Variants in NKAIN3 observed in about 807,000 individuals in gnomAD.
NKAIN3 encodes sodium/potassium-transporting ATPase subunit beta-1-interacting protein 3.
Under a neutral mutation model 30.2 loss-of-function variants are expected in NKAIN3, and 25 were observed. That is an observed-to-expected ratio of 0.83 (90% CI 0.60 to 1.16). NKAIN3 has a LOEUF of 1.16. Ranked by LOEUF, NKAIN3 falls within the 50% of genes most tolerant of loss-of-function variation. The pLI is 0.00. For synonymous variants in NKAIN3, 91 were observed against 89.6 expected, an observed-to-expected ratio of 1.02 and a Z score of -0.09; for missense variants, 225 against 254.1, an observed-to-expected ratio of 0.89 and a Z score of 0.78.
intron 1 of NKAIN3, among the ~76,000 whole-genome samples, chr8:62,536,910 T>C (rs1241722504): frequency 6.6e-6 from 1 of 152,084 alleles, no homozygotes; most frequent in Non-Finnish European, 1.5e-5. Flanking sequence ...ATCTGTGGAC[T>C]TGGCTCCATA....
intron 5 of NKAIN3, among the ~76,000 whole-genome samples, chr8:62,924,161 G>A (rs975544814): frequency 6.6e-6 from 1 of 152,026 alleles, no homozygotes; most frequent in Non-Finnish European, 1.5e-5. Flanking sequence ...AATCCACCAA[G>A]AGCTTTCATA....
Position 62,309,396 on chromosome 8 carries a change from A to G in NKAIN3, c.54+60269A>G, listed in dbSNP as rs140503537. ...AATACTTCCTATTTTGATAATGCAC[A>G]TACAAGTCACATTCAGAAAGACTAG... On this transcript the variant is annotated intron_variant, in intron 1 of 6. Coordinates refer to ENST00000623646, the MANE Select transcript of NKAIN3 (RefSeq NM_001304533.3). 1.8e-3 allele frequency among the ~76,000 whole-genome samples: 268 copies of G among 150,844 alleles called. 5 individuals are homozygous for G. Among genetic ancestry groups the G allele is most frequent in the Admixed American group, 3.1e-3 (47 of 15,240 alleles).
intron 1 of NKAIN3, among the ~76,000 whole-genome samples, chr8:62,490,296 C>G (rs1434269774): frequency 6.6e-6 from 1 of 152,134 alleles, no homozygotes; most frequent in African/African-American, 2.4e-5. Context: ...GTGCCCATGC[C>G]CATGGGTCCT....
At chr8:62,680,640 A>G (rs1813618172) in intron 3 of NKAIN3, among the ~76,000 whole-genome samples, 1 of 152,164 alleles carries the variant, frequency 6.6e-6, no homozygotes, top group Non-Finnish European at 1.5e-5. Context: ...CCCTTACATT[A>G]TATGATAGGA....
chr8:62,867,200 T>C (rs1422730433), intron 4 of NKAIN3, among the ~76,000 whole-genome samples: 2 of 151,896 alleles, frequency 1.3e-5, no homozygotes, highest in Non-Finnish European at 2.9e-5. Context: ...AAAAACATGA[T>C]CTTTAGAGTC....
At chr8:62,391,927 G>T (rs13269282) in intron 1 of NKAIN3, among the ~76,000 whole-genome samples, 63,705 of 151,702 alleles carry the variant, frequency 0.42, 15,631 homozygotes, top group Non-Finnish European at 0.54. Context: ...TTGGTACCTG[G>T]CTCATTCTGT....
At chr8:62,933,300 C>A (rs768101112) in intron 5 of NKAIN3, among the ~76,000 whole-genome samples, 2 of 151,936 alleles carry the variant, frequency 1.3e-5, no homozygotes, top group Admixed American at 6.6e-5. Context: ...TATTTCAAAA[C>A]GGAAATGTCC....
chr8:62,400,166 T>G (rs1453319434), intron 1 of NKAIN3, among the ~76,000 whole-genome samples: 4 of 145,876 alleles, frequency 2.7e-5, no homozygotes, highest in East Asian at 2.0e-4. Flanking sequence ...ATATTTTCTT[T>G]TTTTTTTTTT....
intron 3 of NKAIN3, among the ~76,000 whole-genome samples, chr8:62,660,228 G>C (rs1812902404): frequency 6.6e-6 from 1 of 152,098 alleles, no homozygotes; most frequent in African/African-American, 2.4e-5. Flanking sequence ...GAGTGACCTT[G>C]GCAAACTACT....
intron 4 of NKAIN3, among the ~76,000 whole-genome samples, chr8:62,909,706 T>TAATAAAAGC (rs1821879598): frequency 6.6e-6 from 1 of 152,098 alleles, no homozygotes; most frequent in African/African-American, 2.4e-5. Context: ...ATAGCAAAAG[T>TAATAAAAGC]AATTTTTGGA....
chr8:62,349,873 T>G (rs1005552545), intron 1 of NKAIN3, among the ~76,000 whole-genome samples: 1 of 152,200 alleles, frequency 6.6e-6, no homozygotes. Context: ...TCCCAGGACC[T>G]GAAGAGACAC....
At chr8:62,403,033 A>G (rs548356298) in intron 1 of NKAIN3, among the ~76,000 whole-genome samples, 1 of 152,336 alleles carries the variant, frequency 6.6e-6, no homozygotes, top group African/African-American at 2.4e-5. Flanking sequence ...AGTGATATGG[A>G]CAATGAAGAC....
chr8:62,312,494 C>T (rs552075242), intron 1 of NKAIN3, among the ~76,000 whole-genome samples: 45 of 150,586 alleles, frequency 3.0e-4, no homozygotes, highest in Admixed American at 2.6e-3. Context: ...ATGCAACCTC[C>T]TCAGCATGAC....
chr8:62,998,505 C>A (rs1354960747), intron 5 of NKAIN3, among the ~76,000 whole-genome samples: 4 of 152,114 alleles, frequency 2.6e-5, no homozygotes, highest in Non-Finnish European at 5.9e-5. Context: ...GAACTCCTGA[C>A]CTCAAGTGAT....
chr8:62,258,765 T>A (rs1393987150), intron 1 of NKAIN3, among the ~76,000 whole-genome samples: 10 of 152,188 alleles, frequency 6.6e-5, no homozygotes, highest in Admixed American at 6.6e-4. Flanking sequence ...ATTGGGATGC[T>A]TTGGGAAAAA....
At position 62,357,389 on chromosome 8, in the gene NKAIN3, G is replaced by T. The variant is rs148329653; in HGVS notation, c.54+108262G>T. On this transcript the variant is annotated intron_variant, in intron 1 of 6. Coordinates refer to ENST00000623646, the MANE Select transcript of NKAIN3 (RefSeq NM_001304533.3). ...AGATGGTGCCAGCGCACTCCAGCCT[G>T]GGCAACAGAGCAAGATTCTTCCTGT... Among the ~76,000 whole-genome samples, 272 of 152,234 alleles carry T rather than the reference G, an allele frequency of 1.8e-3. 1 individual carries two copies. The highest frequency in any genetic ancestry group is 6.2e-3 in the African/African-American group (259 of 41,552).
chr8:62,933,731 G>C (rs1440043020), intron 5 of NKAIN3, among the ~76,000 whole-genome samples: 3 of 152,148 alleles, frequency 2.0e-5, no homozygotes, highest in Non-Finnish European at 4.4e-5. Flanking sequence ...GGGAGCAAAA[G>C]CCAGAAGTAC....
At chr8:62,397,085 A>T (rs188691002) in intron 1 of NKAIN3, among the ~76,000 whole-genome samples, 13 of 152,294 alleles carry the variant, frequency 8.5e-5, no homozygotes, top group African/African-American at 2.4e-4. Flanking sequence ...CCAGCACAAA[A>T]GTGGTGTGTC....
intron 4 of NKAIN3, among the ~76,000 whole-genome samples, chr8:62,890,092 T>G (rs980418453): frequency 6.6e-6 from 1 of 152,178 alleles, no homozygotes; most frequent in African/African-American, 2.4e-5. Flanking sequence ...GTTGAATAGG[T>G]GATAGTTTCA....
Sources: gnomAD v4.1 joint callset for allele counts (sites outside exome capture counted in the v4.1 genomes callset) on GRCh38, gnomAD v4.1.1 for gene constraint, MANE v1.5 for transcripts, NCBI Gene and HGNC (gene_info 2026-07-23, HGNC 2026-07-21) for gene names.